Variants in GRIK4 observed in about 807,000 individuals in gnomAD.
GRIK4 encodes glutamate ionotropic receptor kainate type subunit 4.
In GRIK4, 40 loss-of-function variants were observed where a neutral mutation model predicts 104.9. The ratio of observed to expected loss-of-function variants is 0.38; its 90% CI spans 0.30 to 0.50. The LOEUF (loss-of-function observed/expected upper bound fraction) is 0.50, where lower values mean the gene tolerates loss of function less well. Among genes scored for constraint, GRIK4 ranks in the 20% least tolerant of loss-of-function variants. The pLI is 0.93. For synonymous variants in GRIK4, 485 were observed against 524.9 expected (o/e 0.92, Z 1.04); for missense variants, 1,047 against 1,308.1 (o/e 0.80, Z 3.08).
intron 13 of GRIK4, among the ~76,000 whole-genome samples, chr11:120,919,486 A>G (rs1943181101): frequency 6.6e-6 from 1 of 152,180 alleles, no homozygotes; most frequent in Non-Finnish European, 1.5e-5. Flanking sequence ...ACTTGTCAGA[A>G]TCCCAATTCT....
At chr11:120,783,967 G>C (rs538726471) in intron 3 of GRIK4, among the ~76,000 whole-genome samples, 1 of 152,126 alleles carries the variant, frequency 6.6e-6, no homozygotes, top group Non-Finnish European at 1.5e-5. Flanking sequence ...AGTGTGTTAC[G>C]GAGGTCCCAG....
chr11:120,861,984 G>A lies in GRIK4; in HGVS notation c.770G>A (p.Ser257Asn), dbSNP rs138007781. The change falls in exon 9 of 21, where the codon AGC (serine) becomes AAC (asparagine). Residue 257 changes from serine (S) to asparagine (N), a missense_variant. Ser to Asn is a conservative substitution (Grantham distance 46). Around this residue, in one of 3 missense-constraint regions of GRIK4, gnomAD observed 447 missense variants for 514.9 expected, o/e 0.87. Transcript: ENST00000527524. The stretch of plus-strand genomic sequence containing the variant: ...GAGTTCTCACTCCAGAGAATGGACA[G>A]CCTTGTGGATGATCGTGTCAACATC... ...NLEFSLQRMD[S>N]LVDDRVNILG... 11 of 1,613,662 alleles carry A rather than the reference G, an allele frequency of 6.8e-6. No individual in the cohort carries two copies. The African/African-American group carries it at 8.0e-5, about 12-fold the overall frequency.
intron 1 of GRIK4, among the ~76,000 whole-genome samples, chr11:120,535,592 T>C (rs1454570099): frequency 6.6e-6 from 1 of 151,866 alleles, no homozygotes; most frequent in Admixed American, 6.6e-5. Context: ...GCAAGGTCAC[T>C]AAAGGACAAA....
At chr11:120,943,671 C>T (rs1352331109) in intron 14 of GRIK4, among the ~76,000 whole-genome samples, 1 of 152,194 alleles carries the variant, frequency 6.6e-6, no homozygotes, top group African/African-American at 2.4e-5. Context: ...AATTTAATCA[C>T]ATTTATGATC....
intron 3 of GRIK4, among the ~76,000 whole-genome samples, chr11:120,681,213 G>A (rs1488173086): frequency 2.0e-5 from 3 of 152,184 alleles, no homozygotes; most frequent in Admixed American, 6.5e-5. Flanking sequence ...GACTAGAGAG[G>A]GCCTGGGGTA....
At chr11:120,694,650 C>T (rs1408004599) in intron 3 of GRIK4, among the ~76,000 whole-genome samples, 2 of 152,068 alleles carry the variant, frequency 1.3e-5, no homozygotes, top group Non-Finnish European at 2.9e-5. Flanking sequence ...CTTCTAGGAG[C>T]CTGGTTAACA....
rs148049958 is a variant in GRIK4, at chr11:120,800,604, G to C, written c.83-2089G>C. ...TCCCAGAAGTCCACTTGATTGCCTC[G>C]GACTTGGGATGTACCTCTGTCGCCC... On this transcript the variant is annotated intron_variant, in intron 3 of 20. Transcript: ENST00000527524. 7.2e-5 allele frequency among the ~76,000 whole-genome samples: 11 copies of C among 152,276 alleles called. 1 individual carries two copies. The highest frequency in any genetic ancestry group is 3.4e-3 in the Middle Eastern group (1 of 294).
In GRIK4 at chr11:120,953,014, C is replaced by A; in HGVS notation, c.1700+50C>A. The A allele has an allele frequency of 1.7e-6, 2 of 1,178,184 alleles. No homozygotes were observed. The highest frequency in any genetic ancestry group is 2.5e-6 in the Non-Finnish European group (2 of 787,364). The allele number at this position is 1,178,184 out of a possible 1,614,324, so 73.0% of individuals were successfully genotyped here. ...CCTTACACCGCCACCTCGTGTCCAC[C>A]TCTGGGAACTGCATGGGGAGGGGGT... On this transcript the variant is annotated intron_variant, in intron 15 of 20. Transcript: ENST00000527524. This position sits in a 1 kb window ranked among gnomAD's most constrained non-coding sequence, Gnocchi z 4.9.
chr11:120,696,375 A>G (rs1454221667), intron 3 of GRIK4, among the ~76,000 whole-genome samples: 2 of 151,956 alleles, frequency 1.3e-5, no homozygotes, highest in African/African-American at 4.8e-5. Context: ...ACCCCAGCTC[A>G]AGAGTCCAGA....
At chr11:120,802,612 C>T (rs921622679) in intron 3 of GRIK4, 81 bp from the exon 4 acceptor site, 80 of 1,214,546 alleles carry the variant, frequency 6.6e-5, no homozygotes, top group Middle Eastern at 2.8e-4. Flanking sequence ...AGGAAGGTGG[C>T]AGCAGGGGGA....
chr11:120,880,995 G>A (rs1954954922), intron 11 of GRIK4, among the ~76,000 whole-genome samples: 1 of 152,048 alleles, frequency 6.6e-6, no homozygotes, highest in Admixed American at 6.5e-5. Context: ...TACTGTACAG[G>A]GCTGGTATTG....
intron 1 of GRIK4, among the ~76,000 whole-genome samples, chr11:120,636,695 C>G (rs1949400822): frequency 6.6e-6 from 1 of 152,114 alleles, no homozygotes; most frequent in African/African-American, 2.4e-5. Context: ...CAAAAATTAG[C>G]CGGGTGTGGT....
In GRIK4 at chr11:120,939,092, A is replaced by G. The variant is rs879850526; in HGVS notation, c.1477-1255A>G. On this transcript the variant is annotated intron_variant, in intron 13 of 20. Transcript: ENST00000527524. This position sits in a 1 kb window ranked among gnomAD's most constrained non-coding sequence, Gnocchi z 5.6. ...TCCAGGTTGGTTAGTTGGTTGTTAG[A>G]GTAGAGGATGCATTAGAACTGAGCA... 9.2e-5 allele frequency among the ~76,000 whole-genome samples: 14 copies of G among 152,312 alleles called. 2 individuals carry two copies. Among genetic ancestry groups the G allele is most frequent in the Admixed American group, 9.2e-4 (14 of 15,300 alleles).
In GRIK4 at chr11:120,815,369, TG is replaced by T; in HGVS notation, c.248-7del. ...TTGCTTCTTTCCCTGTCCCTGCCGC[TG>T]GCTGCAGTGTGTCAGATCCTCCCCA... On this transcript the variant is annotated splice_polypyrimidine_tract_variant and splice_region_variant and intron_variant, in intron 4 of 20. Coordinates refer to ENST00000527524, the MANE Select transcript of GRIK4 (RefSeq NM_014619.5). The T allele has an allele frequency of 6.6e-7, 1 of 1,509,770 alleles. No individual in the cohort carries two copies. The highest frequency in any genetic ancestry group is 9.0e-7 in the Non-Finnish European group (1 of 1,109,974). The allele number at this position is 1,509,770 out of a possible 1,614,324, so 93.5% of individuals were successfully genotyped here.
At chr11:120,530,486 A>G (rs1947911570) in intron 1 of GRIK4, among the ~76,000 whole-genome samples, 1 of 152,136 alleles carries the variant, frequency 6.6e-6, no homozygotes, top group South Asian at 2.1e-4. Context: ...CAGAAAGCAC[A>G]TTTGCCAACA....
intron 1 of GRIK4, among the ~76,000 whole-genome samples, chr11:120,639,013 A>G (rs1404231903): frequency 6.6e-6 from 1 of 151,652 alleles, no homozygotes; most frequent in Non-Finnish European, 1.5e-5. Flanking sequence ...CCTGTCCAGC[A>G]TGGCGAAACC....
At chr11:120,775,152 C>T (rs1952016628) in intron 3 of GRIK4, among the ~76,000 whole-genome samples, 1 of 152,184 alleles carries the variant, frequency 6.6e-6, no homozygotes, top group Non-Finnish European at 1.5e-5. Context: ...TTCTTGTCCA[C>T]TGTCCTGGAA....
intron 1 of GRIK4, among the ~76,000 whole-genome samples, chr11:120,598,440 G>A (rs768279137): frequency 1.3e-5 from 2 of 152,198 alleles, no homozygotes; most frequent in Non-Finnish European, 2.9e-5. Context: ...GGCCTGCGTG[G>A]TGGAACCTGC....
rs1338733094 is a variant in GRIK4, at chr11:120,609,333, A to T, written c.-158-44352A>T. Reference sequence around the variant, plus strand: ...CCATCTTGCCGTGTTGCCCAGGGTGACCTCAAACTCCTGGGCTCCTCTGAT... The same window carrying T: ...CCATCTTGCCGTGTTGCCCAGGGTGTCCTCAAACTCCTGGGCTCCTCTGAT... On this transcript the variant is annotated intron_variant, in intron 1 of 20. Transcript: ENST00000527524. 4.0e-5 allele frequency among the ~76,000 whole-genome samples: 6 copies of T among 149,726 alleles called. No homozygotes were observed. The East Asian group carries it at 1.2e-3, about 29-fold the overall frequency.
Sources: allele counts gnomAD v4.1 joint callset (sites outside exome capture counted in the v4.1 genomes callset), GRCh38; gene constraint gnomAD v4.1.1; regional missense constraint gnomAD v4.1.1; non-coding constraint Gnocchi (gnomAD v3.1); transcripts MANE v1.5; gene names NCBI Gene and HGNC (gene_info 2026-07-23, HGNC 2026-07-21).